Variants in SCUBE1 observed in about 807,000 individuals in gnomAD.
SCUBE1 encodes signal peptide, CUB and EGF-like domain-containing protein 1.
Under a neutral mutation model 124.4 loss-of-function variants are expected in SCUBE1, and 59 were observed. That is an observed-to-expected ratio of 0.47 (90% CI 0.38 to 0.59). The LOEUF (loss-of-function observed/expected upper bound fraction) is 0.59. Ranked by LOEUF, SCUBE1 falls within the 20% of genes least tolerant of loss-of-function variation. The pLI is 0.00. For missense variants in SCUBE1, 1,150 were observed against 1,371.2 expected (o/e 0.84, Z 2.55); for synonymous variants, 545 against 550.9 (o/e 0.99, Z 0.15).
At chr22:43,322,992 G>C (rs1311211036) in intron 2 of SCUBE1, among the ~76,000 whole-genome samples, 1 of 152,124 alleles carries the variant, frequency 6.6e-6, no homozygotes, top group African/African-American at 2.4e-5. Context: ...AATTGCTCAG[G>C]GTCACATAGT....
At chr22:43,337,202 G>A (rs1410382675) in intron 2 of SCUBE1, among the ~76,000 whole-genome samples, 1 of 152,118 alleles carries the variant, frequency 6.6e-6, no homozygotes, top group Non-Finnish European at 1.5e-5. Flanking sequence ...GCAGAGCTGG[G>A]CTTGGGACAA....
chr22:43,274,930 G>A (rs542421853), intron 4 of SCUBE1, among the ~76,000 whole-genome samples: 4 of 152,334 alleles, frequency 2.6e-5, no homozygotes, highest in African/African-American at 4.8e-5. Context: ...CAGTAGGTAC[G>A]TTTGGATCAT....
intron 4 of SCUBE1, among the ~76,000 whole-genome samples, chr22:43,284,696 G>T (rs1478466408): frequency 6.6e-6 from 1 of 152,262 alleles, no homozygotes; most frequent in Admixed American, 6.5e-5. Context: ...CATGGAAAGT[G>T]CCTGGTAGCA....
intron 1 of SCUBE1, among the ~76,000 whole-genome samples, chr22:43,341,176 C>T (rs1927304648): frequency 2.0e-5 from 3 of 148,178 alleles, no homozygotes; most frequent in South Asian, 2.1e-4. Context: ...CTCAGGTGGG[C>T]GGCCTGTCCT....
chr22:43,233,151 G>T (rs1922622578), intron 7 of SCUBE1, among the ~76,000 whole-genome samples: 1 of 152,184 alleles, frequency 6.6e-6, no homozygotes, highest in Admixed American at 6.5e-5. Context: ...GATCACCTGA[G>T]GTCGGGAGTT....
Position 43,284,455 on chromosome 22 carries a change from C to T in SCUBE1, c.484+6591G>A, listed in dbSNP as rs554236696. On this transcript the variant is annotated intron_variant, in intron 4 of 21. Transcript: ENST00000360835. ...AAAGGCATCTCCGTTGAACCTCAGGCCCCGCCTGAGTCTCACCATACTTGG... is the reference window on the plus strand; with the variant it reads ...AAAGGCATCTCCGTTGAACCTCAGGTCCCGCCTGAGTCTCACCATACTTGG... Among the ~76,000 whole-genome samples, 3 of 152,350 alleles carry T rather than the reference C, an allele frequency of 2.0e-5. No homozygotes were observed. The East Asian group carries it at 5.8e-4, about 29-fold the overall frequency.
chr22:43,227,472 T>C lies in SCUBE1; in HGVS notation c.1109A>G (p.Asn370Ser), dbSNP rs1346145960. The C allele has an allele frequency of 2.1e-5, 34 of 1,612,760 alleles. No individual in the cohort carries two copies. The highest frequency in any genetic ancestry group is 2.6e-5 in the Non-Finnish European group (31 of 1,179,884). ...CGDVDECSMSNGSCDQGCVNT... is the reference protein window; with the variant it reads ...CGDVDECSMSSGSCDQGCVNT... ...GACGCAGCCCTGGTCACAGCTCCCG[T>C]TGCTCATGCTGCACTCGTCCACATC... The change falls in exon 10 of 22, where the codon AAC becomes AGC. Residue 370 changes from asparagine (N) to serine (S), a missense_variant. Around this residue, in one of 3 missense-constraint regions of SCUBE1, gnomAD observed 337 missense variants for 482.1 expected, o/e 0.70. Transcript: ENST00000360835.
chr22:43,232,890 C>T (rs1475713635), intron 7 of SCUBE1, among the ~76,000 whole-genome samples: 1 of 152,234 alleles, frequency 6.6e-6, no homozygotes, highest in Non-Finnish European at 1.5e-5. Context: ...CATTCTGTGC[C>T]ATTAGAGGTC....
intron 1 of SCUBE1, among the ~76,000 whole-genome samples, chr22:43,340,447 T>C (rs1927273726): frequency 6.6e-6 from 1 of 151,102 alleles, no homozygotes. Context: ...ATCCATTCCA[T>C]CTATACACCC....
Position 43,235,860 on chromosome 22 carries a change from C to T in SCUBE1, c.844+2978G>A, listed in dbSNP as rs182453603. 2.9e-3 allele frequency among the ~76,000 whole-genome samples: 445 copies of T among 152,116 alleles called. 1 individual carries two copies. The highest frequency in any genetic ancestry group is 7.1e-3 in the South Asian group (34 of 4,818). On this transcript the variant is annotated intron_variant, in intron 7 of 21. Transcript: ENST00000360835. The stretch of plus-strand genomic sequence containing the variant: ...AAGATAACCACCTCCCAACACCAAA[C>T]GGGCACGGTACCCAGCAGGGAGCCC...
chr22:43,310,145 C>T (rs76857347), intron 3 of SCUBE1, among the ~76,000 whole-genome samples: 3,902 of 152,212 alleles, frequency 0.026, 170 homozygotes, highest in African/African-American at 0.088. Context: ...TGCCTCATCT[C>T]CAGTCTGTGT....
chr22:43,216,567 AG>A (rs1158420600), intron 15 of SCUBE1, among the ~76,000 whole-genome samples: 1 of 151,906 alleles, frequency 6.6e-6, no homozygotes, highest in Non-Finnish European at 1.5e-5. Flanking sequence ...GCAGTAGAAT[AG>A]GTTGAACCTG....
intron 6 of SCUBE1, among the ~76,000 whole-genome samples, chr22:43,254,392 C>T (rs1319593194): frequency 2.0e-5 from 3 of 152,224 alleles, no homozygotes; most frequent in Admixed American, 2.0e-4. Flanking sequence ...CCTGGACCTC[C>T]CTCCTGCTTC....
chr22:43,310,747 CATA>C (rs776412216), intron 3 of SCUBE1, among the ~76,000 whole-genome samples: 8 of 152,186 alleles, frequency 5.3e-5, no homozygotes, highest in Non-Finnish European at 1.0e-4. Context: ...TTGTGGGGGA[CATA>C]GTGATTTTTC....
Position 43,210,440 on chromosome 22 carries a change from T to C in SCUBE1, c.2384-200A>G, listed in dbSNP as rs896512250. 5.3e-5 allele frequency among the ~76,000 whole-genome samples: 8 copies of C among 152,084 alleles called. No individual in the cohort carries two copies. Among genetic ancestry groups the C allele is most frequent in the Admixed American group, 1.3e-4 (2 of 15,280 alleles). On this transcript the variant is annotated intron_variant, in intron 18 of 21. Transcript: ENST00000360835. The surrounding 1 kb of genome is among the most constrained non-coding windows in gnomAD (Gnocchi z 4.5). ...CCCCAGAGCAGGAGGGCAGGTCCCCTGTTCAGGCCTGTGGTTCCCTGAGGC... is the reference window on the plus strand; with the variant it reads ...CCCCAGAGCAGGAGGGCAGGTCCCCCGTTCAGGCCTGTGGTTCCCTGAGGC...
At chr22:43,331,095 T>C (rs1263211712) in intron 2 of SCUBE1, among the ~76,000 whole-genome samples, 2 of 152,150 alleles carry the variant, frequency 1.3e-5, no homozygotes, top group Non-Finnish European at 2.9e-5. Flanking sequence ...GCCAAATTGG[T>C]TTTAAGATTT....
intron 4 of SCUBE1, among the ~76,000 whole-genome samples, chr22:43,289,798 C>T (rs1461986240): frequency 6.6e-6 from 1 of 152,270 alleles, no homozygotes; most frequent in Non-Finnish European, 1.5e-5. Context: ...AGGCTTCCAG[C>T]GTGGGAGAGG....
chr22:43,335,768 G>A (rs904428606), intron 2 of SCUBE1, among the ~76,000 whole-genome samples: 6 of 151,722 alleles, frequency 4.0e-5, no homozygotes, highest in African/African-American at 1.5e-4. Flanking sequence ...TGATGATGGT[G>A]ATGATGATGG....
intron 2 of SCUBE1, among the ~76,000 whole-genome samples, chr22:43,325,932 GTT>G (rs771336542): frequency 1.5e-5 from 2 of 136,430 alleles, no homozygotes; most frequent in African/African-American, 2.7e-5. Flanking sequence ...AGGGTGAGGT[GTT>G]TTTTTTTTTT....
Sources: gnomAD v4.1 joint callset for allele counts (sites outside exome capture counted in the v4.1 genomes callset) on GRCh38, gnomAD v4.1.1 for gene constraint, gnomAD v4.1.1 regional missense constraint, Gnocchi (gnomAD v3.1) non-coding constraint, MANE v1.5 for transcripts, NCBI Gene and HGNC (gene_info 2026-07-23, HGNC 2026-07-21) for gene names.